Variants in XPO7 observed in about 807,000 individuals in gnomAD.
XPO7 encodes the protein exportin-7.
In XPO7, 21 loss-of-function variants were observed where a neutral mutation model predicts 144.3. The observed-to-expected ratio is 0.15, with a 90% CI of 0.10 to 0.21. The LOEUF (loss-of-function observed/expected upper bound fraction) is 0.21, where lower values mean the gene tolerates loss of function less well. Among genes scored for constraint, XPO7 ranks in the 10% least tolerant of loss-of-function variants. The probability of loss-of-function intolerance (pLI) is 1.00; values close to 1 mark genes in which losing one functional copy is unlikely to be tolerated. For missense variants in XPO7, 808 were observed against 1,325.8 expected, an observed-to-expected ratio of 0.61 and a Z score of 6.06; for synonymous variants, 580 against 499.6, an observed-to-expected ratio of 1.16 and a Z score of -2.15.
intron 16 of XPO7, among the ~76,000 whole-genome samples, chr8:21,989,950 T>G (rs988472166): frequency 4.1e-5 from 6 of 146,954 alleles, no homozygotes; most frequent in African/African-American, 1.5e-4. Context: ...CCCAGGTTCA[T>G]GCCATTCTCC....
rs1051527408 is a variant in XPO7, at chr8:21,989,213, G to T, written c.1868+130G>T. The T allele has an allele frequency of 1.1e-5, 10 of 901,296 alleles. No individual in the cohort carries two copies. In the East Asian group the frequency reaches 2.7e-4, roughly 25 times the overall value. The allele number at this position is 901,296 out of a possible 1,614,324, so 55.8% of individuals were successfully genotyped here. ...ACTCACATATCTTCCATTTTCCTAG[G>T]AGTCCAAAAAAACGCCAATGCCCAT... On this transcript the variant is annotated intron_variant, in intron 16 of 27. Transcript: ENST00000252512.
At position 21,970,393 on chromosome 8, in the gene XPO7, A is replaced by G. The variant is rs527755533; in HGVS notation, c.426+83A>G. ...AAACACACACACACACACACACACA[A>G]CTTAACACGCTTATCTACTTTTTAA... is the stretch of plus-strand genomic sequence containing the variant. On this transcript the variant is annotated intron_variant, in intron 4 of 27. Coordinates refer to ENST00000252512, the MANE Select transcript of XPO7 (RefSeq NM_015024.5). 3 of 824,314 alleles carry G rather than the reference A, an allele frequency of 3.6e-6. 1 individual carries two copies. The Middle Eastern group carries it at 9.0e-4, about 247-fold the overall frequency. 51.1% of individuals were successfully genotyped at this position (824,314 alleles called of 1,614,324 possible).
chr8:21,923,382 C>A (rs1355764958), intron 1 of XPO7, among the ~76,000 whole-genome samples: 1 of 152,168 alleles, frequency 6.6e-6, no homozygotes, highest in Non-Finnish European at 1.5e-5. Flanking sequence ...ATAACTATAT[C>A]CCATCACCCA....
chr8:21,966,375 G>C, intron 1 of XPO7: 1 of 766,842 alleles, frequency 1.3e-6, no homozygotes, highest in South Asian at 1.4e-5. Flanking sequence ...CCATCTTTAC[G>C]CATATACATT....
chr8:21,931,097 G>A (rs1422672064), intron 1 of XPO7, among the ~76,000 whole-genome samples: 1 of 151,560 alleles, frequency 6.6e-6, no homozygotes, highest in Non-Finnish European at 1.5e-5. Flanking sequence ...GCCCACCTCT[G>A]CTTCCCAAAG....
At chr8:21,953,459 A>G (rs1811436818) in intron 1 of XPO7, among the ~76,000 whole-genome samples, 1 of 152,240 alleles carries the variant, frequency 6.6e-6, no homozygotes, top group African/African-American at 2.4e-5. Flanking sequence ...TTTGGTAATT[A>G]TGAATAAAAC....
chr8:21,948,419 A>G (rs1328377708), intron 1 of XPO7, among the ~76,000 whole-genome samples: 1 of 152,354 alleles, frequency 6.6e-6, no homozygotes, highest in South Asian at 2.1e-4. Flanking sequence ...AGTAGGCTAT[A>G]CCATATAGCT....
At chr8:21,927,126 G>A (rs753679449) in intron 1 of XPO7, among the ~76,000 whole-genome samples, 2 of 152,092 alleles carry the variant, frequency 1.3e-5, no homozygotes, top group Non-Finnish European at 2.9e-5. Context: ...ACACATGCTT[G>A]TAGTCCCAGC....
intron 1 of XPO7, among the ~76,000 whole-genome samples, chr8:21,932,201 C>T (rs1428402887): frequency 6.6e-6 from 1 of 152,154 alleles, no homozygotes; most frequent in African/African-American, 2.4e-5. Flanking sequence ...TTTGCCTGGT[C>T]TTCCTTATTT....
At chr8:21,954,022 G>A (rs1358672617) in intron 1 of XPO7, among the ~76,000 whole-genome samples, 1 of 152,280 alleles carries the variant, frequency 6.6e-6, no homozygotes, top group Admixed American at 6.5e-5. Context: ...TTAAGAACTA[G>A]TAACATATAG....
intron 1 of XPO7, among the ~76,000 whole-genome samples, chr8:21,951,044 C>T (rs982675418): frequency 2.0e-5 from 3 of 151,854 alleles, no homozygotes; most frequent in East Asian, 1.9e-4. Context: ...TGGGGTGAGC[C>T]GAGGTCACAT....
At chr8:22,001,009 C>CT (rs1382976711) in intron 24 of XPO7, among the ~76,000 whole-genome samples, 1 of 152,076 alleles carries the variant, frequency 6.6e-6, no homozygotes, top group African/African-American at 2.4e-5. Flanking sequence ...CTTTGGAAGA[C>CT]TTTTTTATGT....
At chr8:21,995,659 G>C (rs781105752) in intron 21 of XPO7, 60 bp downstream of exon 21, 53 of 1,342,362 alleles carry the variant, frequency 3.9e-5, no homozygotes, top group Non-Finnish European at 5.4e-5. Flanking sequence ...AGAATTTGCT[G>C]TATCTAGTGC....
At chr8:21,920,090 G>A (rs975666791) in intron 1 of XPO7, among the ~76,000 whole-genome samples, 1 of 151,940 alleles carries the variant, frequency 6.6e-6, no homozygotes, top group African/African-American at 2.4e-5. Flanking sequence ...TCGTCCCCGG[G>A]GGAGGCCTCC....
intron 20 of XPO7, among the ~76,000 whole-genome samples, chr8:21,995,039 G>A (rs1400247766): frequency 6.6e-6 from 1 of 151,078 alleles, no homozygotes; most frequent in African/African-American, 2.5e-5. Flanking sequence ...GGGCGACAGA[G>A]CGAGACTCCA....
intron 1 of XPO7, among the ~76,000 whole-genome samples, chr8:21,960,636 C>A (rs1198696107): frequency 3.3e-5 from 5 of 152,222 alleles, no homozygotes; most frequent in Non-Finnish European, 5.9e-5. Flanking sequence ...ATCTCATGCA[C>A]GCCAGGCTCT....
intron 1 of XPO7, among the ~76,000 whole-genome samples, chr8:21,963,945 A>T (rs946217305): frequency 6.6e-6 from 1 of 152,210 alleles, no homozygotes; most frequent in Non-Finnish European, 1.5e-5. Context: ...AGTTGAATAG[A>T]CTAAAATACT....
intron 1 of XPO7, among the ~76,000 whole-genome samples, chr8:21,964,767 AAAC>A (rs1290438998): frequency 1.3e-5 from 2 of 152,254 alleles, no homozygotes; most frequent in Non-Finnish European, 2.9e-5. Context: ...AATCAAAACA[AAAC>A]AACAACAAAA....
At chr8:21,961,104 T>C (rs1811711876) in intron 1 of XPO7, among the ~76,000 whole-genome samples, 1 of 152,160 alleles carries the variant, frequency 6.6e-6, no homozygotes, top group Non-Finnish European at 1.5e-5. Context: ...TATTTGGCTT[T>C]CTATTTGGGA....
Sources: allele counts gnomAD v4.1 joint callset (sites outside exome capture counted in the v4.1 genomes callset), GRCh38; gene constraint gnomAD v4.1.1; transcripts MANE v1.5; gene names NCBI Gene and HGNC (gene_info 2026-07-23, HGNC 2026-07-21).